The following SAMD5 variants were observed in gnomAD, a reference collection of about 807,000 sequenced individuals.
The protein encoded by SAMD5 is sterile alpha motif domain-containing protein 5.
A neutral mutation model predicts 11.3 loss-of-function variants in SAMD5; 13 were observed. The ratio of observed to expected loss-of-function variants is 1.15; its 90% CI spans 0.75 to 1.83. The LOEUF (loss-of-function observed/expected upper bound fraction) is 1.83, where lower values mean the gene tolerates loss of function less well. Ranked by LOEUF, SAMD5 falls within the 40% of genes most tolerant of loss-of-function variation. The pLI, the probability that SAMD5 is intolerant of heterozygous loss-of-function variation, is 0.00. For missense variants in SAMD5, 255 were observed against 239.1 expected (o/e 1.07, Z -0.44); for synonymous variants, 129 against 111.3 (o/e 1.16, Z -1.00).
chr6:147,613,432 C>T lies in SAMD5; in HGVS notation c.162+104045C>T, dbSNP rs192813243. Among the ~76,000 whole-genome samples, 226 of 151,980 alleles carry T rather than the reference C, an allele frequency of 1.5e-3. 2 individuals are homozygous for T. Among genetic ancestry groups the T allele is most frequent in the Non-Finnish European group, 8.4e-4 (57 of 68,016 alleles). ...TGGCTAGTCGAGACTCAGCACTCAC[C>T]GAGGCTCAGAGACAGGGATTATTCT... On this transcript the variant is annotated intron_variant, in intron 1 of 1. Coordinates refer to the SAMD5 transcript ENST00000566741.
intron 1 of SAMD5, among the ~76,000 whole-genome samples, chr6:147,560,129 C>T (rs1183857323): frequency 2.6e-5 from 4 of 152,150 alleles, no homozygotes; most frequent in African/African-American, 4.8e-5. Flanking sequence ...TAGTGGCTGA[C>T]ATTACATATA....
At chr6:147,539,030 A>T (rs1014322222) in intron 1 of SAMD5, among the ~76,000 whole-genome samples, 2 of 152,190 alleles carry the variant, frequency 1.3e-5, no homozygotes, top group African/African-American at 4.8e-5. Context: ...TAATTGGATT[A>T]CTGGCTTAAG....
the SAMD5 span, among the ~76,000 whole-genome samples, chr6:147,759,327 G>A: frequency 7.9e-5 from 12 of 152,184 alleles, no homozygotes; most frequent in Middle Eastern, 6.8e-3. Context: ...TTTCTCAGGC[G>A]TCTTTAAATA....
chr6:147,572,843 AC>A (rs1789156835), downstream of SAMD5, among the ~76,000 whole-genome samples: 1 of 152,198 alleles, frequency 6.6e-6, no homozygotes, highest in African/African-American at 2.4e-5. Flanking sequence ...CATTTTGGAC[AC>A]ATCCCCTTTT....
intron 1 of SAMD5, among the ~76,000 whole-genome samples, chr6:147,674,064 A>G (rs1458305720): frequency 6.6e-6 from 1 of 152,234 alleles, no homozygotes. Flanking sequence ...CTGTAAATGT[A>G]AATTGAAAAC....
chr6:147,541,947 C>A (rs1041505084), intron 1 of SAMD5, among the ~76,000 whole-genome samples: 2 of 152,112 alleles, frequency 1.3e-5, no homozygotes, highest in Non-Finnish European at 2.9e-5. Flanking sequence ...AAAGAGACAC[C>A]CTGCAGTGAG....
chr6:147,597,044 C>A (rs1314130285), intron 1 of SAMD5, among the ~76,000 whole-genome samples: 1 of 152,058 alleles, frequency 6.6e-6, no homozygotes, highest in Admixed American at 6.6e-5. Context: ...GAGCGGACAC[C>A]CAGCTGAGGA....
Position 147,569,990 on chromosome 6 carries a change from G to T in SAMD5, c.*5534G>T. The stretch of plus-strand genomic sequence containing the variant: ...CACTGTGATTTGCAAACATATGTCC[G>T]CTCTTCAATAAATGTTACGGCTTTC... On this transcript the variant is annotated 3_prime_UTR_variant, in exon 2 of 2. Transcript: ENST00000367474. The T allele has an allele frequency of 1.0e-6, 1 of 984,776 alleles. No homozygotes were observed. Among genetic ancestry groups the T allele is most frequent in the Non-Finnish European group, 1.2e-6 (1 of 829,374 alleles). The allele number at this position is 984,776 out of a possible 1,614,324, so 61.0% of individuals were successfully genotyped here.
intron 1 of SAMD5, among the ~76,000 whole-genome samples, chr6:147,664,482 T>C (rs1202353342): frequency 2.0e-5 from 3 of 152,182 alleles, no homozygotes; most frequent in African/African-American, 7.2e-5. Context: ...CCCAAGGCTG[T>C]ATTTCTGATC....
the SAMD5 span, among the ~76,000 whole-genome samples, chr6:147,824,954 G>A: frequency 6.6e-6 from 1 of 152,054 alleles, no homozygotes; most frequent in African/African-American, 2.4e-5. Flanking sequence ...ACTTTTATGG[G>A]ACTAGTAGAT....
intron 1 of SAMD5, among the ~76,000 whole-genome samples, chr6:147,662,295 A>G (rs992091356): frequency 2.6e-5 from 4 of 152,204 alleles, no homozygotes; most frequent in Admixed American, 6.5e-5. Flanking sequence ...AAATGAGATT[A>G]TAAGTATCTC....
chr6:147,798,860 A>C, the SAMD5 span, among the ~76,000 whole-genome samples: 1 of 151,926 alleles, frequency 6.6e-6, no homozygotes, highest in Non-Finnish European at 1.5e-5. Context: ...GTTGGTTTAA[A>C]GTCTGTTTTA....
rs377097669 is a variant in SAMD5 at position 147,728,580 on chromosome 6, G to A, written c.163-8737G>A. Among the ~76,000 whole-genome samples, 174 of 152,234 alleles carry A rather than the reference G, an allele frequency of 1.1e-3. 3 individuals are homozygous for A. Among genetic ancestry groups the A allele is most frequent in the African/African-American group, 3.8e-3 (159 of 41,534 alleles). On this transcript the variant is annotated intron_variant, in intron 1 of 1. Coordinates refer to the SAMD5 transcript ENST00000566741. ...AAAATTCAGAGGAACATAGAACCGC[G>A]GGCTGAGTGTGCAACCTGGGAAACA...
chr6:147,615,074 G>T (rs1044669879), intron 1 of SAMD5, among the ~76,000 whole-genome samples: 4 of 151,896 alleles, frequency 2.6e-5, no homozygotes, highest in African/African-American at 9.7e-5. Context: ...GAGATGATTT[G>T]AAGTATATAG....
At chr6:147,557,980 G>GA (rs1340652326) in intron 1 of SAMD5, among the ~76,000 whole-genome samples, 1 of 152,142 alleles carries the variant, frequency 6.6e-6, no homozygotes, top group Non-Finnish European at 1.5e-5. Context: ...AAAAGTGTAC[G>GA]TTCACATCAC....
In SAMD5 at chr6:147,509,363, G is replaced by A; in HGVS notation, c.435G>A (p.Leu145=). The part of the protein sequence containing the change: ...RDKLVRDGIH[L]SKPPYSRKVP... Reference sequence around the variant, plus strand: ...AGCTCGTCCGTGACGGCATCCACCTGAGCAAGCCCCCGTACTCCCGCAAGG... The same window carrying A: ...AGCTCGTCCGTGACGGCATCCACCTAAGCAAGCCCCCGTACTCCCGCAAGG... Residue 145 remains leucine, a synonymous_variant, in exon 1 of 2, where the codon CTG becomes CTA. Coordinates refer to ENST00000367474, the MANE Select transcript of SAMD5 (RefSeq NM_001030060.3). The A allele has an allele frequency of 6.4e-7, 1 of 1,569,680 alleles. No homozygotes were observed. Among genetic ancestry groups the A allele is most frequent in the Non-Finnish European group, 8.6e-7 (1 of 1,159,536 alleles).
chr6:147,611,818 G>T (rs796920842), intron 1 of SAMD5, among the ~76,000 whole-genome samples: 3 of 152,248 alleles, frequency 2.0e-5, no homozygotes, highest in African/African-American at 7.2e-5. Flanking sequence ...ACTCAGGGAG[G>T]TTGCCTAGAA....
At chr6:147,838,383 T>C in the SAMD5 span, among the ~76,000 whole-genome samples, 1 of 152,178 alleles carries the variant, frequency 6.6e-6, no homozygotes, top group East Asian at 1.9e-4. Flanking sequence ...TTCTGTTCAG[T>C]TCCTGATTCT....
chr6:147,517,598 A>C (rs9390472), intron 1 of SAMD5, among the ~76,000 whole-genome samples: 6,219 of 152,308 alleles, frequency 0.041, 346 homozygotes, highest in East Asian at 0.18. Context: ...AAATTTAGAT[A>C]TTCAAAATTA....
Sources: allele counts gnomAD v4.1 joint callset (sites outside exome capture counted in the v4.1 genomes callset), GRCh38; gene constraint gnomAD v4.1.1; transcripts MANE v1.5; gene names NCBI Gene and HGNC (gene_info 2026-07-23, HGNC 2026-07-21).